The following PKIB variants were observed in gnomAD, a reference collection of about 807,000 sequenced individuals.
PKIB encodes the protein PKI-beta.
A neutral mutation model predicts 4.5 loss-of-function variants in PKIB; 2 were observed. That is an observed-to-expected ratio of 0.44 (90% CI 0.18 to 1.39). The LOEUF is 1.39. PKIB is among the 40% of genes most tolerant of loss of function. PKIB has a pLI of 0.27. For synonymous variants in PKIB, 38 were observed against 36.0 expected, an observed-to-expected ratio of 1.06 and a Z score of -0.20; for missense variants, 94 against 92.6, an observed-to-expected ratio of 1.02 and a Z score of -0.06.
chr6:122,669,497 C>G (rs1268331933), intron 2 of PKIB, among the ~76,000 whole-genome samples: 2 of 151,928 alleles, frequency 1.3e-5, no homozygotes, highest in Non-Finnish European at 2.9e-5. Flanking sequence ...TACTGCTGCT[C>G]TCTTCTGCCT....
intron 2 of PKIB, among the ~76,000 whole-genome samples, chr6:122,553,669 T>C (rs1051712736): frequency 2.0e-5 from 3 of 151,926 alleles, no homozygotes; most frequent in Non-Finnish European, 4.4e-5. Context: ...TTGTTATATA[T>C]TAAGAACTCA....
intron 3 of PKIB, among the ~76,000 whole-genome samples, chr6:122,591,251 G>A (rs905800080): frequency 6.6e-6 from 1 of 150,712 alleles, no homozygotes; most frequent in Non-Finnish European, 1.5e-5. Flanking sequence ...TCCCAGATTA[G>A]ACAAACGTTT....
chr6:122,630,659 T>G (rs933254427), intron 1 of PKIB, among the ~76,000 whole-genome samples: 2 of 152,174 alleles, frequency 1.3e-5, no homozygotes, highest in Non-Finnish European at 2.9e-5. Flanking sequence ...AAAATGATTA[T>G]GATACATTTT....
intron 2 of PKIB, among the ~76,000 whole-genome samples, chr6:122,519,950 G>T (rs939356583): frequency 6.6e-6 from 1 of 152,058 alleles, no homozygotes; most frequent in Admixed American, 6.6e-5. Flanking sequence ...TGAACTGTTG[G>T]CATTTTTCTC....
chr6:122,628,042 CTTT>C (rs68139551), intron 1 of PKIB, among the ~76,000 whole-genome samples: 1 of 142,480 alleles, frequency 7.0e-6, no homozygotes, highest in African/African-American at 2.6e-5. Flanking sequence ...GTATCCAGTT[CTTT>C]TTTTTTTTTT....
intron 3 of PKIB, among the ~76,000 whole-genome samples, chr6:122,705,911 A>G (rs1779038995): frequency 6.6e-6 from 1 of 152,120 alleles, no homozygotes; most frequent in African/African-American, 2.4e-5. Context: ...TAGAAGTTTC[A>G]TGATTCCCTG....
chr6:122,487,695 A>G (rs910347663), intron 2 of PKIB, among the ~76,000 whole-genome samples: 3 of 152,168 alleles, frequency 2.0e-5, no homozygotes, highest in East Asian at 1.9e-4. Context: ...CTCTCACCAG[A>G]CACCAAATCT....
intron 2 of PKIB, among the ~76,000 whole-genome samples, chr6:122,652,310 GTGTGTGTGTGTGTGTGTGTGTGTGGA>G (rs1776587848): frequency 8.7e-6 from 1 of 114,486 alleles, no homozygotes; most frequent in Non-Finnish European, 1.8e-5. Context: ...GTGTGTGTGT[GTGTGTGTGTGTGTGTGTGTGTGTGGA>G]GAGAGAGAGA....
At chr6:122,658,977 C>T (rs1210857657) in intron 2 of PKIB, among the ~76,000 whole-genome samples, 2 of 151,490 alleles carry the variant, frequency 1.3e-5, no homozygotes, top group Non-Finnish European at 2.9e-5. Flanking sequence ...TAATATTAAA[C>T]AGTAAGCTTG....
chr6:122,717,562 G>T (rs1463237564), intron 3 of PKIB: 3 of 505,222 alleles, frequency 5.9e-6, no homozygotes, highest in Non-Finnish European at 1.0e-5. Context: ...TCGGCTCAGG[G>T]GTTATTTTTA....
chr6:122,488,331 T>G (rs1447784172), intron 2 of PKIB, among the ~76,000 whole-genome samples: 1 of 152,180 alleles, frequency 6.6e-6, no homozygotes, highest in African/African-American at 2.4e-5. Context: ...TTTATCTTGT[T>G]GCTCTATTTG....
intron 2 of PKIB, among the ~76,000 whole-genome samples, chr6:122,551,230 T>G (rs1289593827): frequency 1.3e-5 from 2 of 152,166 alleles, no homozygotes; most frequent in Non-Finnish European, 2.9e-5. Flanking sequence ...CTCTTTAATT[T>G]CTCTTTCTGA....
chr6:122,628,139 C>T (rs558114508), intron 1 of PKIB, among the ~76,000 whole-genome samples: 9 of 151,738 alleles, frequency 5.9e-5, no homozygotes, highest in South Asian at 2.1e-4. Flanking sequence ...CAGGTTCAAG[C>T]GATTCTCCTG....
intron 2 of PKIB, among the ~76,000 whole-genome samples, chr6:122,635,114 G>A (rs548556628): frequency 1.1e-5 from 1 of 87,070 alleles, no homozygotes; most frequent in Admixed American, 1.6e-4. Flanking sequence ...TGTACTTAAG[G>A]AAAATTAAAA....
chr6:122,472,000 G>T, exon 1 of PKIB: 1 of 782,134 alleles, frequency 1.3e-6, no homozygotes, highest in African/African-American at 1.8e-5. Flanking sequence ...AAACTTAACG[G>T]CTAATGTGGA....
At chr6:122,551,398 C>A (rs1772670316) in intron 2 of PKIB, among the ~76,000 whole-genome samples, 1 of 152,112 alleles carries the variant, frequency 6.6e-6, no homozygotes, top group South Asian at 2.1e-4. Context: ...TGCCATTATG[C>A]TTTTAATCAT....
chr6:122,596,710 C>A (rs1774188874), intron 3 of PKIB, among the ~76,000 whole-genome samples: 1 of 151,964 alleles, frequency 6.6e-6, no homozygotes, highest in Non-Finnish European at 1.5e-5. Context: ...GAGGCCTTCA[C>A]TGTGATTCAC....
At chr6:122,554,435 C>CTCTA (rs1376720392) in intron 2 of PKIB, among the ~76,000 whole-genome samples, 18 of 152,292 alleles carry the variant, frequency 1.2e-4, no homozygotes, top group African/African-American at 4.3e-4. Flanking sequence ...ATTGTCCATG[C>CTCTA]AATGCCTCTC....
intron 2 of PKIB, among the ~76,000 whole-genome samples, chr6:122,559,003 T>G (rs967958884): frequency 1.3e-5 from 2 of 152,206 alleles, no homozygotes; most frequent in Non-Finnish European, 2.9e-5. Context: ...ATATGATGTT[T>G]ATTTTTCCAT....
Sources: gnomAD v4.1 joint callset for allele counts (sites outside exome capture counted in the v4.1 genomes callset) on GRCh38, gnomAD v4.1.1 for gene constraint, MANE v1.5 for transcripts, NCBI Gene and HGNC (gene_info 2026-07-23, HGNC 2026-07-21) for gene names.